The following B3GALT5 variants were observed in gnomAD, a reference collection of about 807,000 sequenced individuals.
The protein encoded by B3GALT5 is UDP-Gal:betaGlcNAc beta 1,3-galactosyltransferase, polypeptide 5.
For synonymous variants in B3GALT5, 156 were observed against 158.6 expected, an observed-to-expected ratio of 0.98 and a Z score of 0.12; for missense variants, 328 against 396.6, an observed-to-expected ratio of 0.83 and a Z score of 1.47.
chr21:39,649,602 C>T (rs1602289173), intron 2 of B3GALT5, among the ~76,000 whole-genome samples: 2 of 152,132 alleles, frequency 1.3e-5, no homozygotes, highest in Admixed American at 6.5e-5. Context: ...GGAGGTGCAG[C>T]CCAGAAACAG....
In B3GALT5 at chr21:39,668,371, A is replaced by T. The variant is rs189196731; in HGVS notation, c.*6879A>T. 6.6e-6 allele frequency: 1 copy of T among 152,224 alleles called. No individual in the cohort carries two copies. Among genetic ancestry groups the T allele is most frequent in the Non-Finnish European group, 1.5e-5 (1 of 68,048 alleles). The allele number at this position is 152,224 out of a possible 1,614,324, so 9.4% of individuals were successfully genotyped here. ...GCTCTAAGCTAGCCTCTGCAAACTC[A>T]GGATATATATTCCAAATATCCCTGA... is the stretch of plus-strand genomic sequence containing the variant. On this transcript the variant is annotated 3_prime_UTR_variant, in exon 4 of 4. Transcript: ENST00000684187.
At chr21:39,635,622 G>T (rs1007007089) in intron 1 of B3GALT5, among the ~76,000 whole-genome samples, 6 of 152,104 alleles carry the variant, frequency 3.9e-5, no homozygotes, top group Non-Finnish European at 7.3e-5. Context: ...GGGATTACAG[G>T]CCTGTGCCAC....
Position 39,626,402 on chromosome 21 carries a change from ATTTG to A in B3GALT5, c.-392+13340_-392+13343del, listed in dbSNP as rs548355629. On this transcript the variant is annotated intron_variant, in intron 1 of 3. Transcript: ENST00000684187. ...CCACTATGAATATGGTTGTACAAAT[ATTTG>A]TTTGAGTCTTTGCTTTCATTTCTTT... is the stretch of plus-strand genomic sequence containing the variant. Among the ~76,000 whole-genome samples, 206 of 152,202 alleles carry A rather than the reference ATTTG, an allele frequency of 1.4e-3. 3 individuals carry two copies. The highest frequency in any genetic ancestry group is 4.7e-3 in the African/African-American group (196 of 41,522).
intron 1 of B3GALT5, among the ~76,000 whole-genome samples, chr21:39,644,098 A>G (rs781194141): frequency 6.6e-6 from 1 of 151,974 alleles, no homozygotes; most frequent in Non-Finnish European, 1.5e-5. Flanking sequence ...GAAATAGGCA[A>G]TTTTCATGTG....
Position 39,661,423 on chromosome 21 carries a change from G to A in B3GALT5, c.864G>A (p.Lys288=), listed in dbSNP as rs2079522402. ...FRRIVACHFI[K]PRTLLDYWQA... The stretch of plus-strand genomic sequence containing the variant: ...GGATCGTGGCCTGCCACTTCATCAA[G>A]CCTCGGACTCTCTTGGACTACTGGC... The change falls in exon 4 of 4, where the codon AAG becomes AAA. Residue 288 remains lysine, a synonymous_variant. Coordinates refer to ENST00000684187, the MANE Select transcript of B3GALT5 (RefSeq NM_001356336.2). This position sits in a 1 kb window ranked among gnomAD's most constrained non-coding sequence, Gnocchi z 4.7. 4 of 1,552,996 alleles carry A rather than the reference G, an allele frequency of 2.6e-6. No individual in the cohort carries two copies. The highest frequency in any genetic ancestry group is 2.6e-6 in the Non-Finnish European group (3 of 1,151,748).
chr21:39,666,055 A>G lies in B3GALT5; in HGVS notation c.*4563A>G, dbSNP rs1363242179. ...GAATGGGTGAACCAGGACTGAAAAA[A>G]AAGAAATATTTTTCAAAGTAAGCCA... is the stretch of plus-strand genomic sequence containing the variant. On this transcript the variant is annotated 3_prime_UTR_variant, in exon 4 of 4. Transcript: ENST00000684187. The G allele has an allele frequency of 1.3e-5, 2 of 152,214 alleles. No homozygotes were observed. The highest frequency in any genetic ancestry group is 4.8e-5 in the African/African-American group (2 of 41,448). 9.4% of individuals were successfully genotyped at this position (152,214 alleles called of 1,614,324 possible). A position where few individuals can be genotyped will look rare whatever the true frequency, so the allele number is the denominator to read the frequency against.
At position 39,648,159 on chromosome 21, in the gene B3GALT5, C is replaced by T. The variant is rs76132767; in HGVS notation, c.-161+1537C>T. ...TAGACAACATATTTGACACTGTGGACGAAATTGTTCAAATAAAATCATTCA... is the reference window on the plus strand; with the variant it reads ...TAGACAACATATTTGACACTGTGGATGAAATTGTTCAAATAAAATCATTCA... On this transcript the variant is annotated intron_variant, in intron 2 of 3. Transcript: ENST00000684187. 2.5e-3 allele frequency among the ~76,000 whole-genome samples: 381 copies of T among 152,118 alleles called. 4 individuals carry two copies. In the East Asian group the frequency reaches 0.028, roughly 11 times the overall value.
At position 39,663,707 on chromosome 21, in the gene B3GALT5, A is replaced by G. The variant is rs2079551282; in HGVS notation, c.*2215A>G. Reference sequence around the variant, plus strand: ...AGAACTTGAAGGAACCTTAGAGCTCATTCAATCCTGCCTCCTCTTTTATGT... The same window carrying G: ...AGAACTTGAAGGAACCTTAGAGCTCGTTCAATCCTGCCTCCTCTTTTATGT... On this transcript the variant is annotated 3_prime_UTR_variant, in exon 4 of 4. Coordinates refer to ENST00000684187, the MANE Select transcript of B3GALT5 (RefSeq NM_001356336.2). The G allele has an allele frequency of 6.6e-6, 1 of 152,240 alleles. No homozygotes were observed. 9.4% of individuals were successfully genotyped at this position (152,240 alleles called of 1,614,324 possible). A position where few individuals can be genotyped will look rare whatever the true frequency, so the allele number is the denominator to read the frequency against.
intron 2 of B3GALT5, among the ~76,000 whole-genome samples, chr21:39,648,558 T>C (rs2079363055): frequency 1.3e-5 from 2 of 152,224 alleles, no homozygotes; most frequent in East Asian, 1.9e-4. Flanking sequence ...TTCCCTCTGG[T>C]TGTGCATTCT....
rs1162716474 is a variant in B3GALT5, at chr21:39,665,592, C to G, written c.*4100C>G. 6.6e-6 allele frequency: 1 copy of G among 152,356 alleles called. No homozygotes were observed. Among genetic ancestry groups the G allele is most frequent in the Non-Finnish European group, 1.5e-5 (1 of 68,158 alleles). The allele number at this position is 152,356 out of a possible 1,614,324, so 9.4% of individuals were successfully genotyped here. ...TTCCAGCCACAGCAGCCCCTTTGCC[C>G]TATGTGCCCATCCCCGTCAGCCTTG... On this transcript the variant is annotated 3_prime_UTR_variant, in exon 4 of 4. Coordinates refer to ENST00000684187, the MANE Select transcript of B3GALT5 (RefSeq NM_001356336.2).
In B3GALT5 at chr21:39,612,943, C is replaced by T. The variant is rs1253829388; in HGVS notation, c.-516C>T. The T allele has an allele frequency of 6.6e-6, 1 of 151,906 alleles. No individual in the cohort carries two copies. The highest frequency in any genetic ancestry group is 6.6e-5 in the Admixed American group (1 of 15,242). The allele number at this position is 151,906 out of a possible 1,614,324, so 9.4% of individuals were successfully genotyped here. On this transcript the variant is annotated 5_prime_UTR_variant, in exon 1 of 4. Coordinates refer to ENST00000684187, the MANE Select transcript of B3GALT5 (RefSeq NM_001356336.2). ...GAGCGGAGCGGGGAGCAAAACCATC[C>T]TCGGCCTGGACCCAGCGCCTCCGGG...
chr21:39,617,889 G>A (rs933837954), intron 1 of B3GALT5, among the ~76,000 whole-genome samples: 2 of 152,122 alleles, frequency 1.3e-5, no homozygotes, highest in African/African-American at 4.8e-5. Context: ...TCATTGCTAT[G>A]TAAAATGGTA....
chr21:39,639,469 T>TTTTTTTC, intron 1 of B3GALT5, among the ~76,000 whole-genome samples: 1 of 142,306 alleles, frequency 7.0e-6, no homozygotes, highest in Non-Finnish European at 1.5e-5. Flanking sequence ...TCTTTCTCTC[T>TTTTTTTC]CTCTCTCTCT....
chr21:39,639,346 C>CTTTCTTTCTTTCTTTCTTTCTTTT (rs1569212166), intron 1 of B3GALT5, among the ~76,000 whole-genome samples: 2 of 114,582 alleles, frequency 1.7e-5, no homozygotes, highest in Non-Finnish European at 3.7e-5. Context: ...TTCTTTCTTT[C>CTTTCTTTCTTTCTTTCTTTCTTTT]TTTCCTTCCT....
chr21:39,613,659 C>CGTGTGTGT (rs60776259), intron 1 of B3GALT5, among the ~76,000 whole-genome samples: 1 of 150,954 alleles, frequency 6.6e-6, no homozygotes, highest in Non-Finnish European at 1.5e-5. Flanking sequence ...ATATCTGTAC[C>CGTGTGTGT]GTGTGTGTGT....
chr21:39,641,806 C>A (rs533984922), intron 1 of B3GALT5, among the ~76,000 whole-genome samples: 39 of 152,308 alleles, frequency 2.6e-4, no homozygotes, highest in African/African-American at 9.1e-4. Flanking sequence ...CTCCTGGTCT[C>A]TCTCTTCTGA....
chr21:39,666,605 A>G lies in B3GALT5; in HGVS notation c.*5113A>G, dbSNP rs2079580572. ...CACCACACCCAGCCATGTTTCAAGA[A>G]TTTGTGCTTCAGCTCAGCACTTAGT... On this transcript the variant is annotated 3_prime_UTR_variant, in exon 4 of 4. Coordinates refer to ENST00000684187, the MANE Select transcript of B3GALT5 (RefSeq NM_001356336.2). The G allele has an allele frequency of 1.3e-5, 2 of 152,194 alleles. No individual in the cohort carries two copies. The highest frequency in any genetic ancestry group is 6.5e-5 in the Admixed American group (1 of 15,270). 9.4% of individuals were successfully genotyped at this position (152,194 alleles called of 1,614,324 possible).
intron 1 of B3GALT5, among the ~76,000 whole-genome samples, chr21:39,633,728 G>A (rs2079207199): frequency 6.6e-6 from 1 of 152,294 alleles, no homozygotes; most frequent in Non-Finnish European, 1.5e-5. Flanking sequence ...TTGTGCAAAG[G>A]CATGGATTTA....
intron 1 of B3GALT5, among the ~76,000 whole-genome samples, chr21:39,630,018 A>G (rs1246388966): frequency 6.6e-6 from 1 of 152,214 alleles, no homozygotes; most frequent in African/African-American, 2.4e-5. Context: ...TTTAAATAGA[A>G]TATATATTCT....
Sources: gnomAD v4.1 joint callset for allele counts (sites outside exome capture counted in the v4.1 genomes callset) on GRCh38, gnomAD v4.1.1 for gene constraint, Gnocchi (gnomAD v3.1) non-coding constraint, MANE v1.5 for transcripts, NCBI Gene and HGNC (gene_info 2026-07-23, HGNC 2026-07-21) for gene names.